ZNF134: variants seen among roughly 807,000 people sequenced by gnomAD.
ZNF134 encodes zinc finger protein 134 (clone pHZ-15).
In ZNF134, 5 loss-of-function variants were observed where a neutral mutation model predicts 2.5. The ratio of observed to expected loss-of-function variants is 2.03; its 90% CI spans 1.06 to 4.27. The LOEUF (loss-of-function observed/expected upper bound fraction) is 4.27. ZNF134 is among the 30% of genes most tolerant of loss of function. The pLI is 0.00. For missense variants in ZNF134, 540 were observed against 517.5 expected (o/e 1.04, Z -0.42); for synonymous variants, 176 against 176.2 (o/e 1.00, Z 0.01).
At chr19:57,616,535 C>G (rs1050739460) in intron 1 of ZNF134, among the ~76,000 whole-genome samples, 8 of 152,130 alleles carry the variant, frequency 5.3e-5, no homozygotes, top group African/African-American at 1.9e-4. Context: ...GAGGTGGGTG[C>G]CATTATTATC....
At position 57,620,674 on chromosome 19, in the gene ZNF134, C is replaced by T. The variant is rs758921004; in HGVS notation, c.555C>T (p.Phe185=). 6.2e-7 allele frequency: 1 copy of T among 1,614,120 alleles called. No individual in the cohort carries two copies. Among genetic ancestry groups the T allele is most frequent in the East Asian group, 2.2e-5 (1 of 44,878 alleles). The change falls in exon 3 of 3, where the codon TTC becomes TTT. Residue 185 remains phenylalanine, a synonymous_variant. Transcript: ENST00000396161. ...HYKCSECGKA[F]SRKDTLVQHQ... is the part of the protein sequence containing the mutation. ...AGTGCAGTGAATGTGGGAAAGCTTT[C>T]AGCCGCAAAGACACACTTGTCCAGC...
chr19:57,614,428 G>A lies in ZNF134; in HGVS notation c.-133G>A. On this transcript the variant is annotated 5_prime_UTR_variant, in exon 1 of 3. Coordinates refer to ENST00000396161, the MANE Select transcript of ZNF134 (RefSeq NM_003435.5). Reference sequence around the variant, plus strand: ...GACGACCGCGGTGCCAGGGTCCCGCGACCTGGGACCCCCTCGCGGCTCCGG... The same window carrying A: ...GACGACCGCGGTGCCAGGGTCCCGCAACCTGGGACCCCCTCGCGGCTCCGG... 2 of 446,126 alleles carry A rather than the reference G, an allele frequency of 4.5e-6. No homozygotes were observed. The highest frequency in any genetic ancestry group is 9.0e-6 in the Non-Finnish European group (2 of 221,964). 27.6% of individuals were successfully genotyped at this position (446,126 alleles called of 1,614,324 possible).
chr19:57,619,322 A>C (rs1981133116), intron 1 of ZNF134, 90 bp from the exon 2 acceptor site: 1 of 1,018,594 alleles, frequency 9.8e-7, no homozygotes, highest in Non-Finnish European at 1.5e-6. Flanking sequence ...ATTTTGTAGC[A>C]TTTGTTTTCT....
rs1011359339 is a variant in ZNF134 at position 57,624,069 on chromosome 19, A to G, written c.*2666A>G. The G allele has an allele frequency of 6.6e-6, 1 of 152,238 alleles. No individual in the cohort carries two copies. Among genetic ancestry groups the G allele is most frequent in the Admixed American group, 6.5e-5 (1 of 15,274 alleles). The allele number at this position is 152,238 out of a possible 1,614,324, so 9.4% of individuals were successfully genotyped here. A position where few individuals can be genotyped will look rare whatever the true frequency, so the allele number is the denominator to read the frequency against. ...AGAAAGGAAGGATGACTCAGAGCAG[A>G]GGAGAGTCCAGTGGGCAGAGTCCTG... On this transcript the variant is annotated 3_prime_UTR_variant, in exon 3 of 3. Transcript: ENST00000396161.
Position 57,624,266 on chromosome 19 carries a change from G to A in ZNF134, c.*2863G>A, listed in dbSNP as rs1039156157. On this transcript the variant is annotated 3_prime_UTR_variant, in exon 3 of 3. Transcript: ENST00000396161. ...TATCCTAGGTCTTTCCCAACCTTTT[G>A]TTTGGGAGCAGATAACTAGTTTTCT... 6.6e-6 allele frequency: 1 copy of A among 151,750 alleles called. No individual in the cohort carries two copies. The highest frequency in any genetic ancestry group is 2.4e-5 in the African/African-American group (1 of 41,264). 9.4% of individuals were successfully genotyped at this position (151,750 alleles called of 1,614,324 possible).
chr19:57,617,443 AGGAAGACCCT>A (rs1981084995), intron 1 of ZNF134, among the ~76,000 whole-genome samples: 2 of 152,332 alleles, frequency 1.3e-5, no homozygotes, highest in South Asian at 4.1e-4. Flanking sequence ...CAAGGGGTGA[AGGAAGACCCT>A]GGATTTTTTA....
Position 57,624,465 on chromosome 19 carries a change from GA to G in ZNF134, c.*3066del, listed in dbSNP as rs1382775835. ...ATAACAGAAAACCCAAAACAAAAGAGAAAACTGCCAGAACCCCAGTCAGGGT... is the reference window on the plus strand; with the variant it reads ...ATAACAGAAAACCCAAAACAAAAGAGAAACTGCCAGAACCCCAGTCAGGGT... On this transcript the variant is annotated 3_prime_UTR_variant, in exon 3 of 3. Transcript: ENST00000396161. 2 of 152,062 alleles carry G rather than the reference GA, an allele frequency of 1.3e-5. No individual in the cohort carries two copies. The highest frequency in any genetic ancestry group is 2.4e-5 in the African/African-American group (1 of 41,414). 9.4% of individuals were successfully genotyped at this position (152,062 alleles called of 1,614,324 possible).
intron 1 of ZNF134, 144 bp from the exon 2 acceptor site, chr19:57,619,268 G>A: frequency 1.5e-6 from 1 of 653,244 alleles, no homozygotes. Context: ...GTCACCACTT[G>A]TGGGCCCACT....
chr19:57,620,357 T>TG lies in ZNF134; in HGVS notation c.239dup (p.Cys80TrpfsTer31). 1.2e-6 allele frequency: 2 copies of TG among 1,613,754 alleles called. No homozygotes were observed. The highest frequency in any genetic ancestry group is 1.7e-6 in the Non-Finnish European group (2 of 1,179,982). On this transcript the variant is annotated frameshift_variant, in exon 3 of 3. Transcript: ENST00000396161. LOFTEE classifies it low-confidence loss of function (END_TRUNC). ...ACACCATGGACTGAAACTTCACACATGTGGGGCATGTGGGAGACAATTCTG... is the reference window on the plus strand; with the variant it reads ...ACACCATGGACTGAAACTTCACACATGGTGGGGCATGTGGGAGACAATTCTG...
In ZNF134 at chr19:57,621,458, G is replaced by C; in HGVS notation, c.*55G>C. On this transcript the variant is annotated 3_prime_UTR_variant, in exon 3 of 3. Transcript: ENST00000396161. ...ATCAGATGTTGAATTTCATGTATCTGAACATTGACACAAAGGAGATACCTT... is the reference window on the plus strand; with the variant it reads ...ATCAGATGTTGAATTTCATGTATCTCAACATTGACACAAAGGAGATACCTT... 6.2e-7 allele frequency: 1 copy of C among 1,603,490 alleles called. No homozygotes were observed.
intron 2 of ZNF134, 86 bp downstream of exon 2, chr19:57,619,594 A>G (rs1449298740): frequency 4.3e-6 from 6 of 1,388,238 alleles, no homozygotes; most frequent in Admixed American, 2.8e-5. Context: ...ACAAGTGCCA[A>G]GGCCAGAGGC....
In ZNF134 at chr19:57,620,722, G is replaced by C. The variant is rs200213765; in HGVS notation, c.603G>C (p.Glu201Asp). ...AGCACCAGAGAATTCATAGTGGAGA[G>C]AAGCCTTATGAGTGCAGCGAATGTG... ...LVQHQRIHSGEKPYECSECGK... is the reference protein window; with the variant it reads ...LVQHQRIHSGDKPYECSECGK... The change falls in exon 3 of 3, where the codon GAG (glutamate) becomes GAC (aspartate). Residue 201 changes from glutamate (E) to aspartate (D), a missense_variant. Physicochemically the swap from Glu to Asp is conservative, Grantham distance 45. Coordinates refer to ENST00000396161, the MANE Select transcript of ZNF134 (RefSeq NM_003435.5). 74 of 1,610,980 alleles carry C rather than the reference G, an allele frequency of 4.6e-5. No homozygotes were observed. The highest frequency in any genetic ancestry group is 3.4e-5 in the Non-Finnish European group (40 of 1,177,504).
rs750220391 is a variant in ZNF134 at position 57,621,093 on chromosome 19, T to G, written c.974T>G (p.Phe325Cys). 15 of 1,614,160 alleles carry G rather than the reference T, an allele frequency of 9.3e-6. No homozygotes were observed. Among genetic ancestry groups the G allele is most frequent in the Non-Finnish European group, 1.2e-5 (14 of 1,180,030 alleles). ...GATTGCAGTGATTGTGGGAAATCCTTTGGCCACAAATACACCCTCATTAAA... is the reference window on the plus strand; with the variant it reads ...GATTGCAGTGATTGTGGGAAATCCTGTGGCCACAAATACACCCTCATTAAA... ...PYDCSDCGKS[F>C]GHKYTLIKHQ... is the part of the protein sequence containing the mutation. The change falls in exon 3 of 3, where the codon TTT (phenylalanine) becomes TGT (cysteine). Residue 325 changes from phenylalanine to cysteine, a missense_variant. Coordinates refer to ENST00000396161, the MANE Select transcript of ZNF134 (RefSeq NM_003435.5).
At position 57,622,546 on chromosome 19, in the gene ZNF134, G is replaced by A. The variant is rs1300047420; in HGVS notation, c.*1143G>A. Reference sequence around the variant, plus strand: ...GATCTCCAGGGCCATGTTACTGTTAGGTCAAGGTCACTGGTGCAGCAACGA... The same window carrying A: ...GATCTCCAGGGCCATGTTACTGTTAAGTCAAGGTCACTGGTGCAGCAACGA... On this transcript the variant is annotated 3_prime_UTR_variant, in exon 3 of 3. Coordinates refer to ENST00000396161, the MANE Select transcript of ZNF134 (RefSeq NM_003435.5). The A allele has an allele frequency of 6.6e-6, 1 of 152,170 alleles. No homozygotes were observed. The highest frequency in any genetic ancestry group is 1.9e-4 in the East Asian group (1 of 5,194). The allele number at this position is 152,170 out of a possible 1,614,324, so 9.4% of individuals were successfully genotyped here. A position where few individuals can be genotyped will look rare whatever the true frequency, so the allele number is the denominator to read the frequency against.
Position 57,620,316 on chromosome 19 carries a change from A to C in ZNF134, c.197A>C (p.Asp66Ala), listed in dbSNP as rs758216138. The C allele has an allele frequency of 1.2e-6, 2 of 1,614,198 alleles. No homozygotes were observed. Among genetic ancestry groups the C allele is most frequent in the Non-Finnish European group, 1.7e-6 (2 of 1,180,044 alleles). Reference protein sequence around the residue: ...GPILKDILHLDEHQGTHHGLK... With the variant: ...GPILKDILHLAEHQGTHHGLK... ...ATCTTGAAAGATATTTTGCACCTGG[A>C]TGAACACCAGGGTACACACCATGGA... The change falls in exon 3 of 3, where the codon GAT becomes GCT. Residue 66 changes from aspartate (D) to alanine (A), a missense_variant. Asp to Ala is a moderately radical substitution (Grantham distance 126). Transcript: ENST00000396161.
In ZNF134 at chr19:57,621,303, C is replaced by A. The variant is rs902147453; in HGVS notation, c.1184C>A (p.Thr395Asn). 9.3e-6 allele frequency: 15 copies of A among 1,614,022 alleles called. No homozygotes were observed. The highest frequency in any genetic ancestry group is 1.3e-5 in the Non-Finnish European group (15 of 1,180,006). The change falls in exon 3 of 3, where the codon ACT (threonine) becomes AAT (asparagine). Residue 395 changes from threonine (T) to asparagine (N), a missense_variant. Transcript: ENST00000396161. ...CTTGTTCGACACCAAAGAGTTCACA[C>A]TGGAGAAAGGCCATATGAGTGCAGT... is the stretch of plus-strand genomic sequence containing the variant. ...SHLVRHQRVH[T>N]GERPYECSEC...
Position 57,620,674 on chromosome 19 carries a change from C to G in ZNF134, c.555C>G (p.Phe185Leu). The G allele has an allele frequency of 6.2e-7, 1 of 1,614,120 alleles. No homozygotes were observed. The highest frequency in any genetic ancestry group is 8.5e-7 in the Non-Finnish European group (1 of 1,180,018). Residue 185 changes from phenylalanine (F) to leucine (L), a missense_variant, in exon 3 of 3, where the codon TTC (phenylalanine) becomes TTG (leucine). Transcript: ENST00000396161. The part of the protein sequence containing the change: ...HYKCSECGKA[F>L]SRKDTLVQHQ... ...AGTGCAGTGAATGTGGGAAAGCTTT[C>G]AGCCGCAAAGACACACTTGTCCAGC... is the stretch of plus-strand genomic sequence containing the variant.
chr19:57,619,153 A>G (rs1001124470), intron 1 of ZNF134, among the ~76,000 whole-genome samples: 2 of 152,166 alleles, frequency 1.3e-5, no homozygotes, highest in African/African-American at 4.8e-5. Flanking sequence ...CTCCCTGGCC[A>G]GGTGACTGTC....
In ZNF134 at chr19:57,614,494, C is replaced by A; in HGVS notation, c.-67C>A. 2.6e-6 allele frequency: 1 copy of A among 390,198 alleles called. No homozygotes were observed. The highest frequency in any genetic ancestry group is 1.8e-5 in the South Asian group (1 of 54,338). 24.2% of individuals were successfully genotyped at this position (390,198 alleles called of 1,614,324 possible). ...TGATGGCGGCGGCCGCGGTGATGGG[C>A]CCGGCGCAGGTGGGTGCTGCCTTTC... On this transcript the variant is annotated 5_prime_UTR_variant, in exon 1 of 3. Transcript: ENST00000396161.
Sources: gnomAD v4.1 joint callset for allele counts (sites outside exome capture counted in the v4.1 genomes callset) on GRCh38, gnomAD v4.1.1 for gene constraint, MANE v1.5 for transcripts, NCBI Gene and HGNC (gene_info 2026-07-23, HGNC 2026-07-21) for gene names.